Variants in TINAGL1 observed in about 807,000 individuals in gnomAD.
The protein encoded by TINAGL1 is tubulointerstitial nephritis antigen like 1.
A neutral mutation model predicts 62.0 loss-of-function variants in TINAGL1; 34 were observed. The ratio of observed to expected loss-of-function variants is 0.55; its 90% CI spans 0.42 to 0.73. The LOEUF (loss-of-function observed/expected upper bound fraction) is 0.73. Among genes scored for constraint, TINAGL1 ranks in the 30% least tolerant of loss-of-function variants. The pLI is 0.00. For synonymous variants in TINAGL1, 221 were observed against 249.7 expected (o/e 0.88, Z 1.08); for missense variants, 516 against 653.2 (o/e 0.79, Z 2.29).
At position 31,583,403 on chromosome 1, in the gene TINAGL1, C is replaced by T. The variant is rs186308223; in HGVS notation, c.468-58C>T. 8.2e-5 allele frequency: 126 copies of T among 1,544,780 alleles called. No individual in the cohort carries two copies. In the African/African-American group the frequency reaches 1.3e-3, roughly 15 times the overall value. On this transcript the variant is annotated intron_variant, in intron 4 of 11. Transcript: ENST00000271064. This position sits in a 1 kb window ranked among gnomAD's most constrained non-coding sequence, Gnocchi z 4.4. Reference sequence around the variant, plus strand: ...CGTCTCTCCCACCCACATGCACCCACGCCAAGGACCCTGAGCCTCGGCAGA... The same window carrying T: ...CGTCTCTCCCACCCACATGCACCCATGCCAAGGACCCTGAGCCTCGGCAGA...
rs2148597625 is a variant in TINAGL1, at chr1:31,587,114, C to A, written c.*135C>A. 1.6e-6 allele frequency: 2 copies of A among 1,261,644 alleles called. No homozygotes were observed. Among genetic ancestry groups the A allele is most frequent in the African/African-American group, 3.1e-5 (2 of 63,778 alleles). 78.2% of individuals were successfully genotyped at this position (1,261,644 alleles called of 1,614,324 possible). A position where few individuals can be genotyped will look rare whatever the true frequency, so the allele number is the denominator to read the frequency against. On this transcript the variant is annotated 3_prime_UTR_variant, in exon 12 of 12. Transcript: ENST00000271064. ...GCGGGCGCCAGGGCGCTAATCCCGG[C>A]GCGGGTTCCGCTGACGCAGCGCCCC...
chr1:31,580,412 G>T, intron 3 of TINAGL1: 2 of 1,289,362 alleles, frequency 1.6e-6, no homozygotes, highest in Non-Finnish European at 2.0e-6. Context: ...CCTCATGAAG[G>T]CTCTGGGGGC....
In TINAGL1 at chr1:31,577,242, G is replaced by T; in HGVS notation, c.94G>T (p.Ala32Ser). 1 of 1,608,594 alleles carries T rather than the reference G, an allele frequency of 6.2e-7. No homozygotes were observed. The highest frequency in any genetic ancestry group is 8.5e-7 in the Non-Finnish European group (1 of 1,178,280). The change falls in exon 2 of 12, where the codon GCA becomes TCA. Residue 32 changes from alanine (A) to serine (S), a missense_variant. Physicochemically the swap from Ala to Ser is moderately conservative, Grantham distance 99. Coordinates refer to ENST00000271064, the MANE Select transcript of TINAGL1 (RefSeq NM_022164.3). This position sits in a 1 kb window ranked among gnomAD's most constrained non-coding sequence, Gnocchi z 5.4. Reference protein sequence around the residue: ...AQQGRGRRELAPGLHLRGIRD... With the variant: ...AQQGRGRRELSPGLHLRGIRD... The stretch of plus-strand genomic sequence containing the variant: ...GCAGGGTCGTGGGCGCCGGGAGCTA[G>T]CACCGGGTCTGCACCTGCGGGGCAT...
chr1:31,577,178 G>C lies in TINAGL1; in HGVS notation c.30G>C (p.Leu10=). 6.4e-7 allele frequency: 1 copy of C among 1,574,694 alleles called. No individual in the cohort carries two copies. The highest frequency in any genetic ancestry group is 8.6e-7 in the Non-Finnish European group (1 of 1,163,542). The change falls in exon 2 of 12, where the codon CTG becomes CTC. Residue 10 remains leucine, a synonymous_variant. Coordinates refer to ENST00000271064, the MANE Select transcript of TINAGL1 (RefSeq NM_022164.3). The surrounding 1 kb of genome is among the most constrained non-coding windows in gnomAD (Gnocchi z 5.4). MWRCPLGLL[L]LLPLAGHLAL... ...GGCGATGTCCACTGGGGCTACTGCT[G>C]TTGCTGCCGCTGGCTGGCCACTTGG...
In TINAGL1 at chr1:31,580,760, T is replaced by A. The variant is rs186200085; in HGVS notation, c.374+1493T>A. 7.7e-5 allele frequency: 94 copies of A among 1,227,464 alleles called. No individual in the cohort carries two copies. The Admixed American group carries it at 2.6e-3, about 34-fold the overall frequency. 76.0% of individuals were successfully genotyped at this position (1,227,464 alleles called of 1,614,324 possible). ...ATGAGCTTGTAAAAGCATTATAGAATTCATAGAATGCAGCCCTTCAGTCGG... is the reference window on the plus strand; with the variant it reads ...ATGAGCTTGTAAAAGCATTATAGAAATCATAGAATGCAGCCCTTCAGTCGG... On this transcript the variant is annotated intron_variant, in intron 3 of 11. Transcript: ENST00000271064.
rs1005081003 is a variant in TINAGL1 at position 31,583,662 on chromosome 1, G to C, written c.582+87G>C. ...GGCCCTGTGCCCTGCTCCTCCAAGG[G>C]CCTGGACCATCCCCTACTACAAGGC... On this transcript the variant is annotated intron_variant, in intron 5 of 11. Coordinates refer to ENST00000271064, the MANE Select transcript of TINAGL1 (RefSeq NM_022164.3). This position sits in a 1 kb window ranked among gnomAD's most constrained non-coding sequence, Gnocchi z 4.4. The C allele has an allele frequency of 4.2e-6, 5 of 1,184,850 alleles. No individual in the cohort carries two copies. The highest frequency in any genetic ancestry group is 1.4e-5 in the South Asian group (1 of 74,010). 73.4% of individuals were successfully genotyped at this position (1,184,850 alleles called of 1,614,324 possible).
intron 3 of TINAGL1, 23 bp downstream of exon 3, chr1:31,579,290 G>A: frequency 6.2e-7 from 1 of 1,610,504 alleles, no homozygotes. Context: ...AGCTTAGAGG[G>A]GTCTTGCTTT....
rs1327580807 is a variant in TINAGL1, at chr1:31,585,110, C to T, written c.858-41C>T. 3 of 1,563,982 alleles carry T rather than the reference C, an allele frequency of 1.9e-6. No homozygotes were observed. Among genetic ancestry groups the T allele is most frequent in the Non-Finnish European group, 2.6e-6 (3 of 1,151,116 alleles). ...TGGGCATGGCCTGGGCCATGATGCACTGAGTCTTTCTGCCTTTGCTCCCTC... is the reference window on the plus strand; with the variant it reads ...TGGGCATGGCCTGGGCCATGATGCATTGAGTCTTTCTGCCTTTGCTCCCTC... On this transcript the variant is annotated intron_variant, in intron 7 of 11. Coordinates refer to ENST00000271064, the MANE Select transcript of TINAGL1 (RefSeq NM_022164.3). The surrounding 1 kb of genome is among the most constrained non-coding windows in gnomAD (Gnocchi z 4.3).
At chr1:31,578,672 G>GA (rs1639092429) in intron 2 of TINAGL1, among the ~76,000 whole-genome samples, 1 of 148,522 alleles carries the variant, frequency 6.7e-6, no homozygotes. Context: ...GTGTGTGTGT[G>GA]TGTGTGTGTG....
rs769775051 is a variant in TINAGL1 at position 31,583,112 on chromosome 1, C to T, written c.375-37C>T. 23 of 1,592,604 alleles carry T rather than the reference C, an allele frequency of 1.4e-5. No homozygotes were observed. The African/African-American group carries it at 1.5e-4, about 10-fold the overall frequency. The stretch of plus-strand genomic sequence containing the variant: ...ACATTCCTTCAAAGTATCCCCAGTC[C>T]CCCACTTACCCTTTCCTTCTCTCCT... On this transcript the variant is annotated intron_variant, in intron 3 of 11. Transcript: ENST00000271064. The surrounding 1 kb of genome is among the most constrained non-coding windows in gnomAD (Gnocchi z 4.4).
rs1428274344 is a variant in TINAGL1 at position 31,586,784 on chromosome 1, C to T, written c.1263+29C>T. 12 of 1,550,338 alleles carry T rather than the reference C, an allele frequency of 7.7e-6. No homozygotes were observed. The Admixed American group carries it at 7.9e-5, about 10-fold the overall frequency. On this transcript the variant is annotated intron_variant, in intron 11 of 11. Transcript: ENST00000271064. ...AGGCCGCTGACCCTTTCCCCGCCCC[C>T]TCTTCCCCTCGCCCCACTCCCATTC...
intron 3 of TINAGL1, 25 bp downstream of exon 3, chr1:31,579,292 T>C (rs1231890626): frequency 1.9e-6 from 3 of 1,608,038 alleles, no homozygotes; most frequent in Non-Finnish European, 8.5e-7. Flanking sequence ...CTTAGAGGGG[T>C]CTTGCTTTGT....
At chr1:31,578,103 G>A (rs1639050259) in intron 2 of TINAGL1, 2 of 979,384 alleles carry the variant, frequency 2.0e-6, no homozygotes, top group Non-Finnish European at 2.4e-6. Context: ...AATGGAAAAG[G>A]ATCCCAGGAA....
rs1639345760 is a variant in TINAGL1, at chr1:31,584,927, A to G, written c.748A>G (p.Met250Val). The G allele has an allele frequency of 1.2e-6, 2 of 1,611,018 alleles. No individual in the cohort carries two copies. Among genetic ancestry groups the G allele is most frequent in the African/African-American group, 1.3e-5 (1 of 74,878 alleles). ...TGTCTCAATCCATTCTCTGGGACAC[A>G]TGACGCCTGTCCTGTCGCCCCAGAA... is the stretch of plus-strand genomic sequence containing the variant. Reference protein sequence around the residue: ...DRVSIHSLGHMTPVLSPQNLL... With the variant: ...DRVSIHSLGHVTPVLSPQNLL... Residue 250 changes from methionine to valine, a missense_variant, in exon 7 of 12, where the codon ATG (methionine) becomes GTG (valine). Coordinates refer to ENST00000271064, the MANE Select transcript of TINAGL1 (RefSeq NM_022164.3). The surrounding 1 kb of genome is among the most constrained non-coding windows in gnomAD (Gnocchi z 4.0).
In TINAGL1 at chr1:31,585,465, T is replaced by C. The variant is rs969344386; in HGVS notation, c.1073T>C (p.Met358Thr). ...GACAAGGAGATCATGAAGGAGCTGA[T>C]GGAGAATGGCCCTGTCCAAGGTAAA... is the stretch of plus-strand genomic sequence containing the variant. ...SNDKEIMKEL[M>T]ENGPVQALME... Residue 358 changes from methionine to threonine, a missense_variant, in exon 9 of 12, where the codon ATG (methionine) becomes ACG (threonine). Transcript: ENST00000271064. This position sits in a 1 kb window ranked among gnomAD's most constrained non-coding sequence, Gnocchi z 4.3. The C allele has an allele frequency of 6.8e-6, 11 of 1,614,202 alleles. No homozygotes were observed. The highest frequency in any genetic ancestry group is 8.5e-6 in the Non-Finnish European group (10 of 1,180,022).
chr1:31,585,592 G>A lies in TINAGL1; in HGVS notation c.1093+107G>A. 3.2e-6 allele frequency: 5 copies of A among 1,551,130 alleles called. No homozygotes were observed. The highest frequency in any genetic ancestry group is 4.4e-6 in the Non-Finnish European group (5 of 1,143,268). On this transcript the variant is annotated intron_variant, in intron 9 of 11. Coordinates refer to ENST00000271064, the MANE Select transcript of TINAGL1 (RefSeq NM_022164.3). This position sits in a 1 kb window ranked among gnomAD's most constrained non-coding sequence, Gnocchi z 4.3. ...AGCATTCAGCAGCATGTCCAGTAGG[G>A]CCAGGAGTAGGGGTCCCCCCCTCCC...
intron 3 of TINAGL1, chr1:31,580,859 C>A: frequency 9.3e-7 from 1 of 1,070,626 alleles, no homozygotes; most frequent in Non-Finnish European, 1.2e-6. Flanking sequence ...ATGCAACAGA[C>A]ACAGTCCTTG....
At chr1:31,579,585 A>T (rs1445753649) in intron 3 of TINAGL1, among the ~76,000 whole-genome samples, 2 of 151,940 alleles carry the variant, frequency 1.3e-5, no homozygotes, top group Non-Finnish European at 2.9e-5. Flanking sequence ...GCAGAGTCAG[A>T]GGGAGAAGGG....
In TINAGL1 at chr1:31,577,224, C is replaced by T. The variant is rs1489438150; in HGVS notation, c.76C>T (p.Arg26Cys). ...GHLALGAQQGRGRRELAPGLH... is the reference protein window; with the variant it reads ...GHLALGAQQGCGRRELAPGLH... ...CTTGGCTCTGGGTGCCCAGCAGGGTCGTGGGCGCCGGGAGCTAGCACCGGG... is the reference window on the plus strand; with the variant it reads ...CTTGGCTCTGGGTGCCCAGCAGGGTTGTGGGCGCCGGGAGCTAGCACCGGG... Residue 26 changes from arginine to cysteine, a missense_variant, in exon 2 of 12, where the codon CGT (arginine) becomes TGT (cysteine). Arg to Cys is a radical substitution (Grantham distance 180). Transcript: ENST00000271064. The surrounding 1 kb of genome is among the most constrained non-coding windows in gnomAD (Gnocchi z 5.4). 1.7e-5 allele frequency: 27 copies of T among 1,603,964 alleles called. No individual in the cohort carries two copies. Among genetic ancestry groups the T allele is most frequent in the Non-Finnish European group, 2.1e-5 (25 of 1,176,576 alleles).
Sources: allele counts gnomAD v4.1 joint callset (sites outside exome capture counted in the v4.1 genomes callset), GRCh38; gene constraint gnomAD v4.1.1; non-coding constraint Gnocchi (gnomAD v3.1); transcripts MANE v1.5; gene names NCBI Gene and HGNC (gene_info 2026-07-23, HGNC 2026-07-21).